The following NOL4 variants were observed in gnomAD, a reference collection of about 807,000 sequenced individuals.
The protein encoded by NOL4 is cancer/testis antigen 125.
NOL4 carries 17 observed loss-of-function variants against 75.9 expected under a neutral mutation model. The ratio of observed to expected loss-of-function variants is 0.22; its 90% CI spans 0.15 to 0.34. The LOEUF (loss-of-function observed/expected upper bound fraction) is 0.34. Ranked by LOEUF, NOL4 falls within the 10% of genes least tolerant of loss-of-function variation. The pLI is 1.00. For missense variants in NOL4, 614 were observed against 793.5 expected (o/e 0.77, Z 2.72); for synonymous variants, 292 against 289.9 (o/e 1.01, Z -0.07).
In NOL4 at chr18:34,223,385, G is replaced by C; in HGVS notation, c.-132C>G. 2.2e-6 allele frequency: 3 copies of C among 1,335,440 alleles called. No individual in the cohort carries two copies. Among genetic ancestry groups the C allele is most frequent in the Non-Finnish European group, 2.0e-6 (2 of 986,902 alleles). 82.7% of individuals were successfully genotyped at this position (1,335,440 alleles called of 1,614,324 possible). A position where few individuals can be genotyped will look rare whatever the true frequency, so the allele number is the denominator to read the frequency against. Reference sequence around the variant, plus strand: ...CCCGGCCGCAGCGGGAGCCTGCTTTGGGTGGGGGAAGGGATGGGAAGAGGG... The same window carrying C: ...CCCGGCCGCAGCGGGAGCCTGCTTTCGGTGGGGGAAGGGATGGGAAGAGGG... On this transcript the variant is annotated 5_prime_UTR_variant, in exon 1 of 11. Coordinates refer to ENST00000261592, the MANE Select transcript of NOL4 (RefSeq NM_003787.5).
chr18:33,997,853 C>G (rs1380300239), intron 6 of NOL4, among the ~76,000 whole-genome samples: 1 of 151,446 alleles, frequency 6.6e-6, no homozygotes, highest in African/African-American at 2.4e-5. Context: ...AAAGTAAAAA[C>G]AACCCAAATG....
intron 10 of NOL4, among the ~76,000 whole-genome samples, chr18:33,869,105 T>G (rs59933877): frequency 1.3e-5 from 2 of 151,882 alleles, no homozygotes; most frequent in Non-Finnish European, 2.9e-5. Flanking sequence ...TATTCACATA[T>G]TTTAAGTCCC....
chr18:34,205,866 A>C (rs1407023573), intron 1 of NOL4, among the ~76,000 whole-genome samples: 1 of 152,150 alleles, frequency 6.6e-6, no homozygotes, highest in Non-Finnish European at 1.5e-5. Flanking sequence ...CCAGGAATTA[A>C]CTAAAATTAA....
At chr18:34,084,528 T>C (rs2078159314) in intron 5 of NOL4, among the ~76,000 whole-genome samples, 1 of 152,160 alleles carries the variant, frequency 6.6e-6, no homozygotes, top group African/African-American at 2.4e-5. Flanking sequence ...ATTTAAAAAG[T>C]ATTTATATTT....
chr18:33,904,582 T>C (rs563841517), intron 9 of NOL4, among the ~76,000 whole-genome samples: 1 of 152,132 alleles, frequency 6.6e-6, no homozygotes, highest in Non-Finnish European at 1.5e-5. Flanking sequence ...AAACAGGACA[T>C]AAGGCCATGA....
At chr18:34,178,367 A>G (rs1468884379) in intron 1 of NOL4, among the ~76,000 whole-genome samples, 2 of 151,770 alleles carry the variant, frequency 1.3e-5, no homozygotes, top group African/African-American at 2.4e-5. Context: ...GAAAACAAAT[A>G]GCAAAATAGA....
chr18:34,130,584 T>G (rs1199903757), intron 1 of NOL4, among the ~76,000 whole-genome samples: 1 of 152,098 alleles, frequency 6.6e-6, no homozygotes, highest in Non-Finnish European at 1.5e-5. Context: ...CTATGTGAAA[T>G]TTAGATCTTC....
At chr18:33,876,201 G>A (rs2063926011) in intron 10 of NOL4, among the ~76,000 whole-genome samples, 1 of 151,958 alleles carries the variant, frequency 6.6e-6, no homozygotes. Context: ...GATTTGTCTT[G>A]AACATGATAT....
At chr18:33,991,474 T>C (rs1600173013) in intron 6 of NOL4, among the ~76,000 whole-genome samples, 1 of 152,208 alleles carries the variant, frequency 6.6e-6, no homozygotes, top group East Asian at 1.9e-4. Flanking sequence ...ACTTGGTTTC[T>C]CTGGGATACA....
chr18:33,881,312 CAG>C lies in NOL4; in HGVS notation c.1723+1930_1723+1931del, dbSNP rs376078223. Reference sequence around the variant, plus strand: ...GATATACAATCATGTCGTCTGCAAACAGGGACAATTTGACTTCCTCTTTTCCT... The same window carrying C: ...GATATACAATCATGTCGTCTGCAAACGGACAATTTGACTTCCTCTTTTCCT... On this transcript the variant is annotated intron_variant, in intron 10 of 10. Coordinates refer to ENST00000261592, the MANE Select transcript of NOL4 (RefSeq NM_003787.5). Among the ~76,000 whole-genome samples, 252 of 150,096 alleles carry C rather than the reference CAG, an allele frequency of 1.7e-3. 1 individual carries two copies. Among genetic ancestry groups the C allele is most frequent in the African/African-American group, 5.9e-3 (240 of 40,658 alleles).
In NOL4 at chr18:34,093,488, T is replaced by C; in HGVS notation, c.749A>G (p.Gln250Arg). 2 of 1,595,004 alleles carry C rather than the reference T, an allele frequency of 1.3e-6. No individual in the cohort carries two copies. Among genetic ancestry groups the C allele is most frequent in the Non-Finnish European group, 1.7e-6 (2 of 1,169,098 alleles). ...SNLEERMQSP[Q>R]NLHGQQDDDS... Reference sequence around the variant, plus strand: ...ACCATCTTGCTGGCCATGAAGATTCTGGGGACTTTGCATTCTTTCTTCAAG... The same window carrying C: ...ACCATCTTGCTGGCCATGAAGATTCCGGGGACTTTGCATTCTTTCTTCAAG... Residue 250 changes from glutamine (Q) to arginine (R), a missense_variant, in exon 5 of 11, where the codon CAG (glutamine) becomes CGG (arginine). This residue lies in a region of NOL4 where 135 missense variants were observed against 220.4 expected (regional missense o/e 0.61). Coordinates refer to ENST00000261592, the MANE Select transcript of NOL4 (RefSeq NM_003787.5).
intron 4 of NOL4, among the ~76,000 whole-genome samples, chr18:34,100,588 A>G (rs2079001222): frequency 6.6e-6 from 1 of 152,244 alleles, no homozygotes; most frequent in African/African-American, 2.4e-5. Context: ...TCTAGTTCAC[A>G]AACTCTCCTG....
intron 6 of NOL4, among the ~76,000 whole-genome samples, chr18:33,965,382 A>G (rs1322147205): frequency 6.6e-6 from 1 of 152,098 alleles, no homozygotes; most frequent in East Asian, 1.9e-4. Flanking sequence ...CTAGAAGTGT[A>G]CTGGGGAGGG....
At chr18:33,963,765 T>C (rs1310050908) in intron 6 of NOL4, among the ~76,000 whole-genome samples, 1 of 152,180 alleles carries the variant, frequency 6.6e-6, no homozygotes, top group Non-Finnish European at 1.5e-5. Flanking sequence ...ATTTGACCTT[T>C]CCTTTTCTCA....
chr18:34,050,245 G>A (rs370439371), intron 5 of NOL4, among the ~76,000 whole-genome samples: 3 of 151,506 alleles, frequency 2.0e-5, no homozygotes, highest in South Asian at 4.1e-4. Flanking sequence ...TTTTCATTAT[G>A]TTCATTATTA....
At chr18:34,000,008 G>C (rs779169079) in intron 6 of NOL4, among the ~76,000 whole-genome samples, 4 of 152,054 alleles carry the variant, frequency 2.6e-5, no homozygotes, top group Non-Finnish European at 5.9e-5. Flanking sequence ...ATATCAGCAG[G>C]ATAGGAAGCC....
At chr18:33,979,983 T>C (rs1272508072) in intron 6 of NOL4, among the ~76,000 whole-genome samples, 2 of 152,122 alleles carry the variant, frequency 1.3e-5, no homozygotes, top group African/African-American at 4.8e-5. Flanking sequence ...TTATATAGTG[T>C]ATTCAAAACC....
intron 1 of NOL4, among the ~76,000 whole-genome samples, chr18:34,179,891 A>G (rs2033889504): frequency 6.6e-6 from 1 of 151,458 alleles, no homozygotes; most frequent in Non-Finnish European, 1.5e-5. Context: ...TAAACTACTC[A>G]GTTTATGGTA....
rs1350964030 is a variant in NOL4 at position 33,851,870 on chromosome 18, A to G, written c.*972T>C. The G allele has an allele frequency of 6.6e-6, 1 of 152,546 alleles. No individual in the cohort carries two copies. The highest frequency in any genetic ancestry group is 2.4e-5 in the African/African-American group (1 of 41,432). 9.4% of individuals were successfully genotyped at this position (152,546 alleles called of 1,614,324 possible). A position where few individuals can be genotyped will look rare whatever the true frequency, so the allele number is the denominator to read the frequency against. On this transcript the variant is annotated 3_prime_UTR_variant, in exon 11 of 11. Coordinates refer to ENST00000261592, the MANE Select transcript of NOL4 (RefSeq NM_003787.5). ...GAAAGAAATGAAAAGAAAACTACAC[A>G]CAAGAGTGCAAATTTTCAGATTGTC...
Sources: allele counts gnomAD v4.1 joint callset (sites outside exome capture counted in the v4.1 genomes callset), GRCh38; gene constraint gnomAD v4.1.1; regional missense constraint gnomAD v4.1.1; transcripts MANE v1.5; gene names NCBI Gene and HGNC (gene_info 2026-07-23, HGNC 2026-07-21).